PHF6: variants seen among roughly 807,000 people sequenced by gnomAD.
PHF6 encodes the protein PHD finger protein 6.
A neutral mutation model predicts 34.0 loss-of-function variants in PHF6; 7 were observed. The observed-to-expected ratio is 0.21, with a 90% CI of 0.12 to 0.39. The LOEUF is 0.39. Ranked by LOEUF, PHF6 falls within the 10% of genes least tolerant of loss-of-function variation. The pLI is 1.00. For missense variants in PHF6, 128 were observed against 262.8 expected, an observed-to-expected ratio of 0.49 and a Z score of 3.55; for synonymous variants, 89 against 88.4, an observed-to-expected ratio of 1.01 and a Z score of -0.04.
chrX:134,394,905 T>G (rs1262577328), intron 5 of PHF6, among the ~76,000 whole-genome samples: 2 of 105,881 alleles, frequency 1.9e-5, no homozygotes, highest in East Asian at 3.0e-4. Flanking sequence ...TTGCCCAGAG[T>G]GCAGTGGCAC....
intron 6 of PHF6, 82 bp downstream of exon 6, chrX:134,413,739 A>C: frequency 3.4e-6 from 4 of 1,193,999 alleles, no homozygotes; most frequent in Non-Finnish European, 4.5e-6. Context: ...AAAGTTCATC[A>C]TTTGAAATGT....
chrX:134,417,652 A>G (rs1602718002), intron 9 of PHF6: 4 of 158,579 alleles, frequency 2.5e-5, no homozygotes, highest in Non-Finnish European at 4.9e-5. Context: ...CTGAGGTCAG[A>G]AGTTCGAGAC....
chrX:134,377,518 T>C, intron 1 of PHF6, 54 bp from the exon 2 acceptor site: 1 of 939,885 alleles, frequency 1.1e-6, no homozygotes, highest in East Asian at 3.1e-5. Flanking sequence ...CATGAATATG[T>C]ATAAACTGAT....
chrX:134,388,470 T>G (rs2077340797), intron 3 of PHF6, among the ~76,000 whole-genome samples: 1 of 111,503 alleles, frequency 9.0e-6, no homozygotes, highest in Admixed American at 9.6e-5. Flanking sequence ...TTCTTTGCCT[T>G]GTCTGTGCAT....
chrX:134,404,134 G>A (rs957507260), intron 5 of PHF6, among the ~76,000 whole-genome samples: 1 of 112,215 alleles, frequency 8.9e-6, no homozygotes, highest in African/African-American at 3.2e-5. Flanking sequence ...TTTCTGTGAT[G>A]AATCTGGGCA....
chrX:134,388,498 G>A (rs1010510130), intron 3 of PHF6, among the ~76,000 whole-genome samples: 3 of 110,857 alleles, frequency 2.7e-5, no homozygotes, highest in Non-Finnish European at 5.7e-5. Context: ...AGTTTTCTGG[G>A]AGCAGGTTTC....
intron 5 of PHF6, among the ~76,000 whole-genome samples, chrX:134,403,529 G>A (rs949234353): frequency 7.1e-5 from 8 of 112,489 alleles, no homozygotes; most frequent in Non-Finnish European, 1.5e-4. Flanking sequence ...AGCAAGTGCT[G>A]ATGTAGAAAC....
chrX:134,393,526 G>T lies in PHF6; in HGVS notation c.266G>T (p.Gly89Val). The change falls in exon 4 of 11, where the codon GGA (glycine) becomes GTA (valine). Residue 89 changes from glycine to valine, a missense_variant. Gly to Val is a moderately radical substitution (Grantham distance 109). Transcript: ENST00000370803. ...KLMCSLCHCP[G>V]ATIGCDVKTC... ...ATGTGTTCTTTGTGCCATTGTCCTG[G>T]AGCAACAATTGGTTGTGATGTGAAA... 8.3e-7 allele frequency: 1 copy of T among 1,210,675 alleles called. No homozygotes were observed.
chrX:134,381,825 G>A lies in PHF6; in HGVS notation c.240+3719G>A, dbSNP rs1011970857. ...CTTTTTAAGGCATTTTATCCCGTGA[G>A]CCTGTTTGCTTTGGCTCCTGTTCAT... On this transcript the variant is annotated intron_variant, in intron 3 of 10. Transcript: ENST00000370803. 2.7e-5 allele frequency among the ~76,000 whole-genome samples: 3 copies of A among 111,270 alleles called. No homozygotes were observed. In the East Asian group the frequency reaches 8.4e-4, roughly 31 times the overall value.
intron 5 of PHF6, among the ~76,000 whole-genome samples, chrX:134,394,545 T>G (rs2077368771): frequency 9.3e-6 from 1 of 107,407 alleles, no homozygotes; most frequent in South Asian, 3.9e-4. Context: ...TTCTTTGTGT[T>G]TTTTTTTTTT....
At chrX:134,384,883 C>T (rs2077324932) in intron 3 of PHF6, among the ~76,000 whole-genome samples, 1 of 110,948 alleles carries the variant, frequency 9.0e-6, no homozygotes, top group African/African-American at 3.3e-5. Flanking sequence ...GATCTCCTGA[C>T]CTCATGATCC....
At chrX:134,383,126 G>A (rs2077314797) in intron 3 of PHF6, among the ~76,000 whole-genome samples, 1 of 110,396 alleles carries the variant, frequency 9.1e-6, no homozygotes, top group Admixed American at 9.7e-5. Context: ...TGTAGACCTA[G>A]CTACTCAAGA....
chrX:134,396,550 A>C (rs1344166942), intron 5 of PHF6, among the ~76,000 whole-genome samples: 1 of 111,662 alleles, frequency 9.0e-6, no homozygotes, highest in African/African-American at 3.2e-5. Context: ...TTTGTGCTAC[A>C]ATTAATTTGA....
rs1602701187 is a variant in PHF6, at chrX:134,393,832, A to C, written c.375-77A>C. On this transcript the variant is annotated intron_variant, in intron 4 of 10. Coordinates refer to ENST00000370803, the MANE Select transcript of PHF6 (RefSeq NM_001015877.2). ...CCAGCTAGTGAATTGGGTGAAGTGT[A>C]CTGCTCGTTTTCTTAATTTGAAAAG... 2.9e-5 allele frequency: 27 copies of C among 947,308 alleles called. No individual in the cohort carries two copies. The East Asian group carries it at 8.0e-4, about 28-fold the overall frequency. 78.1% of individuals were successfully genotyped at this position (947,308 alleles called of 1,213,427 possible).
chrX:134,404,401 C>T (rs993929563), intron 5 of PHF6, among the ~76,000 whole-genome samples: 1 of 112,065 alleles, frequency 8.9e-6, no homozygotes, highest in East Asian at 2.8e-4. Context: ...CATGATCAAA[C>T]TTTAACAGAT....
intron 1 of PHF6, among the ~76,000 whole-genome samples, chrX:134,374,995 C>T (rs1020944455): frequency 9.0e-6 from 1 of 111,435 alleles, no homozygotes; most frequent in African/African-American, 3.3e-5. Context: ...TAGTATTGGT[C>T]CTTGGAATGC....
chrX:134,402,567 T>C (rs1312631789), intron 5 of PHF6, among the ~76,000 whole-genome samples: 1 of 111,807 alleles, frequency 8.9e-6, no homozygotes, highest in Non-Finnish European at 1.9e-5. Context: ...GGGGGATTTT[T>C]TTAAAAACCT....
chrX:134,414,809 G>A (rs1338075775), intron 7 of PHF6, among the ~76,000 whole-genome samples: 1 of 111,604 alleles, frequency 9.0e-6, no homozygotes, highest in Non-Finnish European at 1.9e-5. Flanking sequence ...GCTCCACACT[G>A]GCAGTCCTCA....
chrX:134,413,400 A>C (rs2077458922), intron 5 of PHF6, 91 bp from the exon 6 acceptor site: 1 of 961,549 alleles, frequency 1.0e-6, no homozygotes. Context: ...AGACAGTTTC[A>C]TTCTAAGGAG....
Sources: allele counts gnomAD v4.1 joint callset (sites outside exome capture counted in the v4.1 genomes callset), GRCh38; gene constraint gnomAD v4.1.1; transcripts MANE v1.5; gene names NCBI Gene and HGNC (gene_info 2026-07-23, HGNC 2026-07-21).